Variants in SETBP1 observed in about 807,000 individuals in gnomAD.
The protein encoded by SETBP1 is SET binding protein 1.
Under a neutral mutation model 101.0 loss-of-function variants are expected in SETBP1, and 9 were observed. The observed-to-expected ratio is 0.09, with a 90% CI of 0.05 to 0.16. SETBP1 has a LOEUF of 0.16. Among genes scored for constraint, SETBP1 ranks in the 10% least tolerant of loss-of-function variants. The probability of loss-of-function intolerance (pLI) is 1.00; values close to 1 mark genes in which losing one functional copy is unlikely to be tolerated. For missense variants in SETBP1, 1,858 were observed against 2,033.8 expected, an observed-to-expected ratio of 0.91 and a Z score of 1.66; for synonymous variants, 818 against 788.5, an observed-to-expected ratio of 1.04 and a Z score of -0.63.
chr18:44,753,201 A>T (rs2070423677), intron 2 of SETBP1, among the ~76,000 whole-genome samples: 1 of 152,196 alleles, frequency 6.6e-6, no homozygotes, highest in South Asian at 2.1e-4. Flanking sequence ...TTCCTGCCAG[A>T]ACCTCTAATC....
intron 2 of SETBP1, among the ~76,000 whole-genome samples, chr18:44,750,204 A>T (rs1475575163): frequency 2.0e-5 from 3 of 152,220 alleles, no homozygotes; most frequent in Non-Finnish European, 2.9e-5. Flanking sequence ...TTAACAACAG[A>T]CATGTATTTC....
intron 2 of SETBP1, among the ~76,000 whole-genome samples, chr18:44,804,773 T>C (rs955800027): frequency 6.6e-6 from 1 of 152,132 alleles, no homozygotes; most frequent in Non-Finnish European, 1.5e-5. Flanking sequence ...CCTCTTCTTA[T>C]TAGTAAAAAG....
chr18:44,922,352 C>A (rs1021568244), intron 3 of SETBP1, among the ~76,000 whole-genome samples: 7 of 152,220 alleles, frequency 4.6e-5, no homozygotes, highest in Non-Finnish European at 1.0e-4. Flanking sequence ...AGAGCCAGAA[C>A]AAGAACTTGC....
intron 4 of SETBP1, among the ~76,000 whole-genome samples, chr18:44,978,148 C>T (rs773485205): frequency 6.6e-6 from 1 of 152,176 alleles, no homozygotes; most frequent in Admixed American, 6.5e-5. Flanking sequence ...CATTATTCCT[C>T]AGCTTGCAAA....
chr18:44,862,093 A>G (rs985098313), intron 2 of SETBP1, among the ~76,000 whole-genome samples: 1 of 152,222 alleles, frequency 6.6e-6, no homozygotes, highest in Non-Finnish European at 1.5e-5. Flanking sequence ...ACAGCAAGCA[A>G]ATGTACACAC....
chr18:44,936,155 T>C (rs77891418), intron 3 of SETBP1, among the ~76,000 whole-genome samples: 1,852 of 152,322 alleles, frequency 0.012, 20 homozygotes, highest in Non-Finnish European at 0.019. Context: ...TAATTTTGGC[T>C]TCATCCCTCA....
chr18:44,764,607 G>C (rs2070728621), intron 2 of SETBP1, among the ~76,000 whole-genome samples: 1 of 152,004 alleles, frequency 6.6e-6, no homozygotes, highest in Admixed American at 6.6e-5. Flanking sequence ...TGATTAGCTG[G>C]GACTTACAGG....
At chr18:45,030,452 G>C (rs983494743) in intron 4 of SETBP1, among the ~76,000 whole-genome samples, 2 of 131,006 alleles carry the variant, frequency 1.5e-5, no homozygotes, top group Non-Finnish European at 3.2e-5. Context: ...TGTTCATCAA[G>C]GATATTGGTC....
chr18:44,963,381 G>A (rs762065512), intron 4 of SETBP1, among the ~76,000 whole-genome samples: 7 of 152,168 alleles, frequency 4.6e-5, no homozygotes, highest in Non-Finnish European at 5.9e-5. Context: ...TCAATTCTGT[G>A]CGCAAAGCCT....
At chr18:45,056,899 C>A (rs919666735) in intron 5 of SETBP1, among the ~76,000 whole-genome samples, 7 of 152,164 alleles carry the variant, frequency 4.6e-5, no homozygotes, top group Non-Finnish European at 1.0e-4. Context: ...CAAGCCACTG[C>A]AACTAAGATA....
In SETBP1 at chr18:44,701,429, C is replaced by T. The variant is rs915986492; in HGVS notation, c.83C>T (p.Pro28Leu). The T allele has an allele frequency of 1.9e-6, 3 of 1,603,118 alleles. No individual in the cohort carries two copies. The highest frequency in any genetic ancestry group is 2.6e-6 in the Non-Finnish European group (3 of 1,174,152). ...DFLPVSSAKP[P>L]AAPGCAGEPL... ...CTGCCGGTCTCCTCAGCCAAGCCCC[C>T]AGCTGCTCCTGGCTGTGCAGGAGAA... Residue 28 changes from proline to leucine, a missense_variant, in exon 2 of 6, where the codon CCA becomes CTA. Physicochemically the swap from Pro to Leu is moderately conservative, Grantham distance 98. Transcript: ENST00000649279.
intron 4 of SETBP1, among the ~76,000 whole-genome samples, chr18:45,002,763 T>C (rs372811861): frequency 6.6e-6 from 1 of 152,202 alleles, no homozygotes; most frequent in East Asian, 1.9e-4. Context: ...TTATTGAGAT[T>C]GTTTTCTTTA....
At chr18:45,020,360 C>A (rs1470480095) in intron 4 of SETBP1, among the ~76,000 whole-genome samples, 5 of 151,150 alleles carry the variant, frequency 3.3e-5, no homozygotes, top group Non-Finnish European at 5.9e-5. Flanking sequence ...ATGAGGCACC[C>A]ACACTTACAT....
At chr18:44,714,207 T>C (rs1259780047) in intron 2 of SETBP1, among the ~76,000 whole-genome samples, 1 of 148,698 alleles carries the variant, frequency 6.7e-6, no homozygotes, top group African/African-American at 2.5e-5. Context: ...TTAGGTCTCC[T>C]TTTTTTTTTG....
intron 2 of SETBP1, among the ~76,000 whole-genome samples, chr18:44,753,056 T>C (rs867397091): frequency 5.3e-5 from 8 of 152,178 alleles, no homozygotes; most frequent in South Asian, 2.1e-4. Context: ...GCTGGGACAA[T>C]TATGGTTTTT....
At position 45,063,484 on chromosome 18, in the gene SETBP1, C is replaced by A. The variant is rs1345338635; in HGVS notation, c.4577C>A (p.Pro1526Gln). 1.4e-4 allele frequency: 194 copies of A among 1,429,768 alleles called. 1 individual carries two copies. In the East Asian group the frequency reaches 4.8e-3, roughly 35 times the overall value. The allele number at this position is 1,429,768 out of a possible 1,614,324, so 88.6% of individuals were successfully genotyped here. Residue 1526 changes from proline (P) to glutamine (Q), a missense_variant, in exon 6 of 6, where the codon CCG (proline) becomes CAG (glutamine). By Grantham distance (76) the Pro-to-Gln change is moderately conservative. Around this residue, in one of 12 missense-constraint regions of SETBP1, gnomAD observed 178 missense variants for 189.1 expected, o/e 0.94. Coordinates refer to ENST00000649279, the MANE Select transcript of SETBP1 (RefSeq NM_015559.3). ...AREAPPLPPP[P>Q]PPPLPPPPPP... Reference sequence around the variant, plus strand: ...GAGGCGCCGCCCCTGCCCCCGCCACCGCCGCCGCCCCTGCCGCCACCGCCG... The same window carrying A: ...GAGGCGCCGCCCCTGCCCCCGCCACAGCCGCCGCCCCTGCCGCCACCGCCG...
At chr18:44,877,345 G>A (rs751185052) in intron 3 of SETBP1, 29 of 942,892 alleles carry the variant, frequency 3.1e-5, no homozygotes, top group East Asian at 1.2e-4. Context: ...ATCAAAGATC[G>A]TTTGATAAGC....
At chr18:44,682,008 C>G (rs914340786) in intron 1 of SETBP1, among the ~76,000 whole-genome samples, 2 of 152,160 alleles carry the variant, frequency 1.3e-5, no homozygotes, top group Non-Finnish European at 2.9e-5. Flanking sequence ...TAGTTGGAGT[C>G]CACTGGCGTT....
At chr18:45,040,962 A>C (rs2073496305) in intron 5 of SETBP1, among the ~76,000 whole-genome samples, 1 of 152,176 alleles carries the variant, frequency 6.6e-6, no homozygotes, top group South Asian at 2.1e-4. Flanking sequence ...GACCTTCCTG[A>C]GATTTCACTC....
Sources: allele counts gnomAD v4.1 joint callset (sites outside exome capture counted in the v4.1 genomes callset), GRCh38; gene constraint gnomAD v4.1.1; regional missense constraint gnomAD v4.1.1; transcripts MANE v1.5; gene names NCBI Gene and HGNC (gene_info 2026-07-23, HGNC 2026-07-21).